The following PTPRN2 variants were observed in gnomAD, a reference collection of about 807,000 sequenced individuals.
PTPRN2 encodes the protein protein tyrosine phosphatase receptor type N2.
In PTPRN2, 74 loss-of-function variants were observed where a neutral mutation model predicts 118.8. That is an observed-to-expected ratio of 0.62 (90% CI 0.52 to 0.76). The LOEUF (loss-of-function observed/expected upper bound fraction) is 0.76, where lower values mean the gene tolerates loss of function less well. PTPRN2 is among the 30% of genes least tolerant of loss of function. PTPRN2 has a pLI of 0.00. For synonymous variants in PTPRN2, 641 were observed against 608.0 expected (o/e 1.05, Z -0.80); for missense variants, 1,481 against 1,394.4 (o/e 1.06, Z -0.99).
chr7:157,937,923 T>C (rs537508179), intron 11 of PTPRN2, among the ~76,000 whole-genome samples: 1 of 134,262 alleles, frequency 7.4e-6, no homozygotes, highest in South Asian at 2.3e-4. Flanking sequence ...CTATGTGACA[T>C]GTTCCCCATC....
intron 21 of PTPRN2, among the ~76,000 whole-genome samples, chr7:157,558,330 G>A (rs1424138263): frequency 6.6e-6 from 1 of 152,158 alleles, no homozygotes; most frequent in East Asian, 1.9e-4. Context: ...GGACTGCTGA[G>A]GTACATCCTG....
At chr7:157,777,856 T>C (rs1308873096) in intron 12 of PTPRN2, among the ~76,000 whole-genome samples, 1 of 152,162 alleles carries the variant, frequency 6.6e-6, no homozygotes, top group East Asian at 1.9e-4. Flanking sequence ...CAGAATAAGA[T>C]GTCTGCTGAA....
At chr7:157,812,469 T>G (rs1425477400) in intron 12 of PTPRN2, among the ~76,000 whole-genome samples, 1 of 152,110 alleles carries the variant, frequency 6.6e-6, no homozygotes, top group East Asian at 1.9e-4. Flanking sequence ...ACTTCTTTCA[T>G]CAAGAGGAAA....
rs540663374 is a variant in PTPRN2 at position 157,846,712 on chromosome 7, G to A, written c.1788+51961C>T. 7.9e-5 allele frequency among the ~76,000 whole-genome samples: 12 copies of A among 151,900 alleles called. No individual in the cohort carries two copies. In the South Asian group the frequency reaches 1.7e-3, roughly 21 times the overall value. ...AGAGCCCTCTCTCACTCCATCATGC[G>A]TGCCCGATATCTACAGAGCCCTCTC... On this transcript the variant is annotated intron_variant, in intron 12 of 22. Coordinates refer to ENST00000389418, the MANE Select transcript of PTPRN2 (RefSeq NM_002847.5).
Position 157,543,331 on chromosome 7 carries a change from GC to G in PTPRN2, c.2977-2547del, listed in dbSNP as rs745709308. The stretch of plus-strand genomic sequence containing the variant: ...AGGCCTGTTGGAGAAAGATCCCACG[GC>G]TTCTTCCAGTAGAACTGCACCCGGT... On this transcript the variant is annotated intron_variant, in intron 22 of 22. Coordinates refer to ENST00000389418, the MANE Select transcript of PTPRN2 (RefSeq NM_002847.5). Among the ~76,000 whole-genome samples the G allele has an allele frequency of 2.0e-5, 3 of 152,240 alleles. No homozygotes were observed. The East Asian group carries it at 5.8e-4, about 29-fold the overall frequency.
intron 11 of PTPRN2, among the ~76,000 whole-genome samples, chr7:157,946,756 A>G (rs1476415384): frequency 6.6e-6 from 1 of 152,192 alleles, no homozygotes; most frequent in Non-Finnish European, 1.5e-5. Flanking sequence ...TGTGGGTACA[A>G]GTAATTTATT....
chr7:157,904,522 T>G (rs1797652381), intron 11 of PTPRN2, among the ~76,000 whole-genome samples: 1 of 151,982 alleles, frequency 6.6e-6, no homozygotes, highest in Non-Finnish European at 1.5e-5. Flanking sequence ...TGCCGGGGAG[T>G]CTCACAAAGC....
At chr7:157,665,856 CCAT>C (rs1261009702) in intron 13 of PTPRN2, among the ~76,000 whole-genome samples, 1 of 152,114 alleles carries the variant, frequency 6.6e-6, no homozygotes, top group African/African-American at 2.4e-5. Flanking sequence ...AAGCTGGAAA[CCAT>C]CATTCTCAGC....
intron 11 of PTPRN2, among the ~76,000 whole-genome samples, chr7:157,916,181 G>A (rs534275702): frequency 7.2e-5 from 11 of 152,330 alleles, no homozygotes; most frequent in East Asian, 1.9e-4. Flanking sequence ...GTGGTGCTGC[G>A]TGTGGACGCT....
chr7:158,007,545 G>A (rs558460793), intron 11 of PTPRN2, among the ~76,000 whole-genome samples: 1 of 152,336 alleles, frequency 6.6e-6, no homozygotes, highest in South Asian at 2.1e-4. Context: ...GGAGCAGAGA[G>A]CGGACGATGG....
chr7:158,103,298 A>G (rs780242652), intron 10 of PTPRN2, among the ~76,000 whole-genome samples: 1 of 151,996 alleles, frequency 6.6e-6, no homozygotes, highest in Non-Finnish European at 1.5e-5. Flanking sequence ...CTTCGTGGAA[A>G]GGAATGCAGT....
At chr7:157,797,841 T>A (rs1008766883) in intron 12 of PTPRN2, among the ~76,000 whole-genome samples, 14 of 152,246 alleles carry the variant, frequency 9.2e-5, no homozygotes, top group Non-Finnish European at 1.6e-4. Flanking sequence ...TAGTCTTGAA[T>A]TCTGAGCCCA....
At chr7:157,765,448 C>T (rs1038492888) in intron 12 of PTPRN2, among the ~76,000 whole-genome samples, 1 of 151,334 alleles carries the variant, frequency 6.6e-6, no homozygotes, top group Non-Finnish European at 1.5e-5. Flanking sequence ...TCTGTCCACC[C>T]TTCACCCATC....
At chr7:158,302,498 A>T (rs1310176346) in intron 3 of PTPRN2, among the ~76,000 whole-genome samples, 1 of 151,984 alleles carries the variant, frequency 6.6e-6, no homozygotes, top group Non-Finnish European at 1.5e-5. Context: ...AGCTTCCCTC[A>T]CCTGTACGGG....
Position 157,909,647 on chromosome 7 carries a change from G to C in PTPRN2, c.1724-10910C>G, listed in dbSNP as rs569161224. On this transcript the variant is annotated intron_variant, in intron 11 of 22. Transcript: ENST00000389418. ...GTTTGTTCCTGACCCTCAAATGCCT[G>C]CCTGCAGCCATCTGCATGGTCCTCC... is the stretch of plus-strand genomic sequence containing the variant. Among the ~76,000 whole-genome samples the C allele has an allele frequency of 1.5e-4, 23 of 152,352 alleles. 1 individual carries two copies. Among genetic ancestry groups the C allele is most frequent in the African/African-American group, 5.5e-4 (23 of 41,590 alleles).
At position 157,974,651 on chromosome 7, in the gene PTPRN2, C is replaced by A. The variant is rs1161506672; in HGVS notation, c.1724-75914G>T. On this transcript the variant is annotated intron_variant, in intron 11 of 22. Transcript: ENST00000389418. This position sits in a 1 kb window ranked among gnomAD's most constrained non-coding sequence, Gnocchi z 4.0. The stretch of plus-strand genomic sequence containing the variant: ...GGAGCCTGGGCAGGGGCGGGCAGGG[C>A]TCTGTGGTAAGACACAGAGGGCAGG... Among the ~76,000 whole-genome samples, 1 of 146,494 alleles carries A rather than the reference C, an allele frequency of 6.8e-6. No individual in the cohort carries two copies. Among genetic ancestry groups the A allele is most frequent in the African/African-American group, 2.5e-5 (1 of 39,442 alleles).
intron 1 of PTPRN2, among the ~76,000 whole-genome samples, chr7:158,492,456 T>A (rs1163718730): frequency 6.6e-6 from 1 of 152,250 alleles, no homozygotes; most frequent in Non-Finnish European, 1.5e-5. Context: ...GACAGTTAGA[T>A]GTGATCTGAA....
At chr7:158,047,273 T>C (rs1808949347) in intron 11 of PTPRN2, among the ~76,000 whole-genome samples, 4 of 152,336 alleles carry the variant, frequency 2.6e-5, no homozygotes, top group East Asian at 3.9e-4. Context: ...CCATGGGCCA[T>C]GCAGAACAGG....
rs190070012 is a variant in PTPRN2 at position 158,318,403 on chromosome 7, C to T, written c.164-1471G>A. On this transcript the variant is annotated intron_variant, in intron 2 of 22. Transcript: ENST00000389418. ...GCAGGAACTGGGCAGCACGTCGAGA[C>T]GGCCCAGCTCCCGTGCTCACAATGC... is the stretch of plus-strand genomic sequence containing the variant. Among the ~76,000 whole-genome samples the T allele has an allele frequency of 3.7e-4, 56 of 152,352 alleles. 1 individual carries two copies. The East Asian group carries it at 0.01, about 27-fold the overall frequency.
Sources: gnomAD v4.1 joint callset for allele counts (sites outside exome capture counted in the v4.1 genomes callset) on GRCh38, gnomAD v4.1.1 for gene constraint, Gnocchi (gnomAD v3.1) non-coding constraint, MANE v1.5 for transcripts, NCBI Gene and HGNC (gene_info 2026-07-23, HGNC 2026-07-21) for gene names.